The following SV2B variants were observed in gnomAD, a reference collection of about 807,000 sequenced individuals.
SV2B encodes synaptic vesicle glycoprotein 2B.
SV2B carries 41 observed loss-of-function variants against 73.9 expected under a neutral mutation model. The observed-to-expected ratio is 0.56, with a 90% CI of 0.43 to 0.72. The LOEUF is 0.72. Among genes scored for constraint, SV2B ranks in the 30% least tolerant of loss-of-function variants. SV2B has a pLI of 0.00. For synonymous variants in SV2B, 314 were observed against 314.2 expected (o/e 1.00, Z 0.01); for missense variants, 764 against 857.8 (o/e 0.89, Z 1.37).
rs755225911 is a variant in SV2B, at chr15:91,289,515, C to T, written c.1709-6C>T. 3.1e-6 allele frequency: 5 copies of T among 1,614,106 alleles called. No individual in the cohort carries two copies. Among genetic ancestry groups the T allele is most frequent in the Non-Finnish European group, 4.2e-6 (5 of 1,180,036 alleles). ...GTTTCTTTTTGCCCTTGAACTCCCT[C>T]TGCAGGTGGCTCCATGCTAATCTCT... is the stretch of plus-strand genomic sequence containing the variant. On this transcript the variant is annotated splice_region_variant and splice_polypyrimidine_tract_variant and intron_variant, in intron 11 of 12. Transcript: ENST00000394232. This position sits in a 1 kb window ranked among gnomAD's most constrained non-coding sequence, Gnocchi z 4.9.
chr15:91,180,103 C>G (rs1206723640), intron 1 of SV2B, among the ~76,000 whole-genome samples: 1 of 151,878 alleles, frequency 6.6e-6, no homozygotes, highest in Non-Finnish European at 1.5e-5. Flanking sequence ...GACAAAATCT[C>G]TCAGCATTTG....
In SV2B at chr15:91,236,881, C is replaced by G. The variant is rs763051315; in HGVS notation, c.451+10167C>G. ...GCTGGGGCTTCTTTTGAGCATCTCT[C>G]TCTATCTCCATACGATCTTTAAATG... On this transcript the variant is annotated intron_variant, in intron 2 of 12. Coordinates refer to ENST00000394232, the MANE Select transcript of SV2B (RefSeq NM_001323032.3). The surrounding 1 kb of genome is among the most constrained non-coding windows in gnomAD (Gnocchi z 4.1). 2.0e-5 allele frequency among the ~76,000 whole-genome samples: 3 copies of G among 152,002 alleles called. No homozygotes were observed. The highest frequency in any genetic ancestry group is 2.1e-4 in the South Asian group (1 of 4,814).
chr15:91,188,934 C>T (rs896166169), intron 1 of SV2B, among the ~76,000 whole-genome samples: 15 of 152,238 alleles, frequency 9.9e-5, no homozygotes, highest in Non-Finnish European at 1.3e-4. Context: ...TCAGGTGATT[C>T]TCTAGCCTCG....
intron 1 of SV2B, among the ~76,000 whole-genome samples, chr15:91,212,014 T>A (rs1359135424): frequency 6.6e-6 from 1 of 152,202 alleles, no homozygotes; most frequent in South Asian, 2.1e-4. Flanking sequence ...GAAAAAAAAA[T>A]GCATGTTGAA....
At chr15:91,269,399 G>T (rs2048219860) in intron 9 of SV2B, among the ~76,000 whole-genome samples, 1 of 152,224 alleles carries the variant, frequency 6.6e-6, no homozygotes, top group East Asian at 1.9e-4. Flanking sequence ...ATCAGGTTGT[G>T]AATGGTAAGT....
intron 1 of SV2B, among the ~76,000 whole-genome samples, chr15:91,208,759 A>G (rs1198314444): frequency 6.6e-6 from 1 of 152,214 alleles, no homozygotes; most frequent in East Asian, 1.9e-4. Flanking sequence ...CATCTTTTAA[A>G]AAAATGATCT....
Position 91,220,855 on chromosome 15 carries a change from A to ATTATT in SV2B, c.-391-5000_-391-4996dup, listed in dbSNP as rs1324453460. 2.6e-5 allele frequency among the ~76,000 whole-genome samples: 4 copies of ATTATT among 151,178 alleles called. No individual in the cohort carries two copies. The highest frequency in any genetic ancestry group is 3.4e-3 in the Middle Eastern group (1 of 294). On this transcript the variant is annotated intron_variant, in intron 1 of 12. Transcript: ENST00000394232. This position sits in a 1 kb window ranked among gnomAD's most constrained non-coding sequence, Gnocchi z 4.1. ...ATCATAATTTTTATTTTTCATGTTT[A>ATTATT]TTATTTTATTTTATTTTATTTTTTT...
At position 91,240,129 on chromosome 15, in the gene SV2B, G is replaced by A. The variant is rs528192940; in HGVS notation, c.452-11690G>A. Among the ~76,000 whole-genome samples the A allele has an allele frequency of 6.6e-6, 1 of 152,194 alleles. No homozygotes were observed. The highest frequency in any genetic ancestry group is 2.4e-5 in the African/African-American group (1 of 41,438). ...GAAGAAGAGGGAAAAGGGCTGTTGG[G>A]AACATGACCAACAGAGTCTATTGCA... On this transcript the variant is annotated intron_variant, in intron 2 of 12. Coordinates refer to ENST00000394232, the MANE Select transcript of SV2B (RefSeq NM_001323032.3). This position sits in a 1 kb window ranked among gnomAD's most constrained non-coding sequence, Gnocchi z 4.6.
intron 1 of SV2B, among the ~76,000 whole-genome samples, chr15:91,183,258 A>T (rs902735703): frequency 1.3e-5 from 2 of 152,244 alleles, no homozygotes; most frequent in African/African-American, 4.8e-5. Flanking sequence ...GGATTAAATT[A>T]TCCACATAAA....
At chr15:91,246,162 C>T (rs2047216003) in intron 2 of SV2B, among the ~76,000 whole-genome samples, 1 of 151,812 alleles carries the variant, frequency 6.6e-6, no homozygotes, top group Non-Finnish European at 1.5e-5. Flanking sequence ...CTGGCTTCTT[C>T]TCCAGGTAAG....
rs981390784 is a variant in SV2B, at chr15:91,220,541, T to A, written c.-391-5332T>A. On this transcript the variant is annotated intron_variant, in intron 1 of 12. Transcript: ENST00000394232. The surrounding 1 kb of genome is among the most constrained non-coding windows in gnomAD (Gnocchi z 4.1). The stretch of plus-strand genomic sequence containing the variant: ...TTACATCATTTGATTGTAATATTTT[T>A]AACTTTGTTTTCTGTGATATTTAGT... Among the ~76,000 whole-genome samples the A allele has an allele frequency of 6.6e-6, 1 of 152,266 alleles. No homozygotes were observed. Among genetic ancestry groups the A allele is most frequent in the Non-Finnish European group, 1.5e-5 (1 of 68,040 alleles).
chr15:91,215,879 A>T (rs1047745240), intron 1 of SV2B, among the ~76,000 whole-genome samples: 1 of 152,146 alleles, frequency 6.6e-6, no homozygotes, highest in African/African-American at 2.4e-5. Context: ...AAAACTAAAA[A>T]CCATTATGAA....
chr15:91,193,009 A>C (rs1393261858), intron 1 of SV2B, among the ~76,000 whole-genome samples: 2 of 152,228 alleles, frequency 1.3e-5, no homozygotes, highest in Admixed American at 6.5e-5. Flanking sequence ...AAATGAAAAA[A>C]AGAGACACAA....
chr15:91,213,201 G>C (rs2045923816), intron 1 of SV2B, among the ~76,000 whole-genome samples: 1 of 152,028 alleles, frequency 6.6e-6, no homozygotes, highest in Non-Finnish European at 1.5e-5. Context: ...AGAGAATAGA[G>C]GAAGTCAGGA....
At chr15:91,208,510 G>A (rs1043900514) in intron 1 of SV2B, among the ~76,000 whole-genome samples, 1 of 152,204 alleles carries the variant, frequency 6.6e-6, no homozygotes, top group Non-Finnish European at 1.5e-5. Flanking sequence ...CAAGACTCCG[G>A]ATGACAGCAG....
At position 91,281,755 on chromosome 15, in the gene SV2B, A is replaced by C. The variant is rs1323521952; in HGVS notation, c.1401A>C (p.Val467=). ...TCACAAGAATGTACTTTAAACATGT[A>C]CTCTTTGAGGACACATTCTTTGACG... ...DKFTRMYFKH[V]LFEDTFFDEC... The change falls in exon 10 of 13, where the codon GTA becomes GTC. Residue 467 remains valine, a synonymous_variant. Coordinates refer to ENST00000394232, the MANE Select transcript of SV2B (RefSeq NM_001323032.3). This position sits in a 1 kb window ranked among gnomAD's most constrained non-coding sequence, Gnocchi z 4.7. 6.2e-7 allele frequency: 1 copy of C among 1,611,368 alleles called. No homozygotes were observed. The highest frequency in any genetic ancestry group is 8.5e-7 in the Non-Finnish European group (1 of 1,178,240).
At chr15:91,247,302 A>G (rs2047274370) in intron 2 of SV2B, among the ~76,000 whole-genome samples, 2 of 152,188 alleles carry the variant, frequency 1.3e-5, no homozygotes, top group Non-Finnish European at 2.9e-5. Context: ...TGGTAAAACT[A>G]AGGGGTTGGA....
chr15:91,149,069 G>A (rs2043230709), intron 1 of SV2B, among the ~76,000 whole-genome samples: 1 of 152,238 alleles, frequency 6.6e-6, no homozygotes, highest in African/African-American at 2.4e-5. Context: ...TGGGCAGCCA[G>A]CTCTTAATCC....
intron 1 of SV2B, among the ~76,000 whole-genome samples, chr15:91,146,980 G>A (rs2043165357): frequency 6.6e-6 from 1 of 152,130 alleles, no homozygotes; most frequent in African/African-American, 2.4e-5. Flanking sequence ...CAAAGCTTCT[G>A]AGCCATATAA....
Sources: allele counts gnomAD v4.1 joint callset (sites outside exome capture counted in the v4.1 genomes callset), GRCh38; gene constraint gnomAD v4.1.1; non-coding constraint Gnocchi (gnomAD v3.1); transcripts MANE v1.5; gene names NCBI Gene and HGNC (gene_info 2026-07-23, HGNC 2026-07-21).